AP3M1: variants seen among roughly 807,000 people sequenced by gnomAD.
AP3M1 encodes the protein adaptor related protein complex 3 subunit mu 1.
AP3M1 carries 29 observed loss-of-function variants against 42.6 expected under a neutral mutation model. The ratio of observed to expected loss-of-function variants is 0.68; its 90% CI spans 0.51 to 0.93. AP3M1 has a LOEUF of 0.93. AP3M1 is among the 40% of genes least tolerant of loss of function. The probability of loss-of-function intolerance (pLI) is 0.00; values close to 1 mark genes in which losing one functional copy is unlikely to be tolerated. For synonymous variants in AP3M1, 178 were observed against 175.3 expected (o/e 1.02, Z -0.12); for missense variants, 416 against 510.2 (o/e 0.82, Z 1.78).
chr10:74,131,126 A>C (rs970333264), intron 4 of AP3M1, among the ~76,000 whole-genome samples: 1 of 152,002 alleles, frequency 6.6e-6, no homozygotes, highest in Admixed American at 6.5e-5. Flanking sequence ...ACAAAATAAA[A>C]CAAACCAACC....
intron 1 of AP3M1, among the ~76,000 whole-genome samples, chr10:74,143,839 GCT>G (rs1370743145): frequency 1.3e-5 from 2 of 152,220 alleles, no homozygotes; most frequent in African/African-American, 4.8e-5. Flanking sequence ...GTCCAACAGG[GCT>G]TTCTGCAATG....
chr10:74,130,836 C>T (rs192415794), intron 4 of AP3M1, among the ~76,000 whole-genome samples: 4 of 152,218 alleles, frequency 2.6e-5, no homozygotes, highest in East Asian at 1.9e-4. Context: ...TTTGGCAGGA[C>T]GCAGTGGCTC....
rs78047604 is a variant in AP3M1, at chr10:74,135,074, T to A, written c.446-910A>T. On this transcript the variant is annotated intron_variant, in intron 3 of 8. Coordinates refer to ENST00000355264, the MANE Select transcript of AP3M1 (RefSeq NM_012095.6). Reference sequence around the variant, plus strand: ...TATCTACAATTTTGCAGTCTACTTATGATTGGTGTTCCTACCTGCAACCTA... The same window carrying A: ...TATCTACAATTTTGCAGTCTACTTAAGATTGGTGTTCCTACCTGCAACCTA... Among the ~76,000 whole-genome samples the A allele has an allele frequency of 5.9e-5, 9 of 152,348 alleles. No homozygotes were observed. The East Asian group carries it at 1.7e-3, about 29-fold the overall frequency.
intron 4 of AP3M1, among the ~76,000 whole-genome samples, chr10:74,133,654 TTTTCC>T (rs1238005998): frequency 2.0e-5 from 3 of 151,848 alleles, no homozygotes; most frequent in Non-Finnish European, 4.4e-5. Flanking sequence ...TTCAATTTTC[TTTTCC>T]TTTCTTCTTC....
chr10:74,147,104 G>A (rs1841353706), intron 1 of AP3M1, among the ~76,000 whole-genome samples: 1 of 152,112 alleles, frequency 6.6e-6, no homozygotes, highest in Non-Finnish European at 1.5e-5. Context: ...CCAACATGGT[G>A]AAATCCCATC....
chr10:74,138,596 C>T (rs1298020309), intron 1 of AP3M1, among the ~76,000 whole-genome samples: 1 of 69,334 alleles, frequency 1.4e-5, no homozygotes. Context: ...CATCCTTTTA[C>T]GAAAAAAAAA....
intron 7 of AP3M1, among the ~76,000 whole-genome samples, chr10:74,125,196 C>G (rs1449935684): frequency 6.6e-6 from 1 of 152,214 alleles, no homozygotes. Context: ...TCAGGCTGGT[C>G]TCGAACTCCT....
At chr10:74,124,848 T>C (rs566505375) in intron 7 of AP3M1, among the ~76,000 whole-genome samples, 9 of 152,222 alleles carry the variant, frequency 5.9e-5, no homozygotes, top group Non-Finnish European at 1.2e-4. Context: ...CAGAGGACAT[T>C]AAGGCTCAGA....
intron 1 of AP3M1, among the ~76,000 whole-genome samples, chr10:74,145,199 G>A (rs972100038): frequency 2.0e-5 from 3 of 152,170 alleles, no homozygotes; most frequent in African/African-American, 7.2e-5. Flanking sequence ...TTGAAAGTAA[G>A]TGATTTTGTA....
chr10:74,143,948 A>C (rs866842434), intron 1 of AP3M1, among the ~76,000 whole-genome samples: 34 of 152,156 alleles, frequency 2.2e-4, no homozygotes, highest in Admixed American at 5.2e-4. Context: ...CTGAAGTTTT[A>C]ATTTTTTTGA....
rs1279174158 is a variant in AP3M1 at position 74,136,758 on chromosome 10, C to A, written c.319G>T (p.Val107Phe). ...CSEAAIKDNV[V>F]IVYELLEEML... ...TCTTCTAAGAGTTCATATACTATGA[C>A]CACATTATCCTTAATTGCAGCCTCT... Residue 107 changes from valine (V) to phenylalanine (F), a missense_variant, in exon 3 of 9, where the codon GTC (valine) becomes TTC (phenylalanine). Physicochemically the swap from Val to Phe is conservative, Grantham distance 50. Transcript: ENST00000355264. 4 of 1,559,204 alleles carry A rather than the reference C, an allele frequency of 2.6e-6. No homozygotes were observed. The Admixed American group carries it at 5.1e-5, about 20-fold the overall frequency.
intron 1 of AP3M1, among the ~76,000 whole-genome samples, chr10:74,142,113 G>A (rs978463915): frequency 1.3e-5 from 2 of 152,106 alleles, no homozygotes; most frequent in African/African-American, 4.8e-5. Flanking sequence ...CATACTTTCT[G>A]AGTGTTAGTT....
At chr10:74,136,006 C>T (rs978173473) in intron 3 of AP3M1, among the ~76,000 whole-genome samples, 1 of 152,098 alleles carries the variant, frequency 6.6e-6, no homozygotes, top group African/African-American at 2.4e-5. Context: ...TTAATGCTTT[C>T]GAAAGAATAT....
chr10:74,144,517 C>T (rs1400519440), intron 1 of AP3M1, among the ~76,000 whole-genome samples: 2 of 152,170 alleles, frequency 1.3e-5, no homozygotes, highest in African/African-American at 4.8e-5. Flanking sequence ...GATCTTCCCA[C>T]CTTGATCTCC....
intron 1 of AP3M1, among the ~76,000 whole-genome samples, chr10:74,148,448 C>T (rs1405922427): frequency 6.6e-6 from 1 of 152,154 alleles, no homozygotes; most frequent in Non-Finnish European, 1.5e-5. Flanking sequence ...AGAGAGAAGT[C>T]CTCTTCTCTG....
intron 2 of AP3M1, among the ~76,000 whole-genome samples, chr10:74,137,167 G>A (rs970809698): frequency 6.6e-6 from 1 of 152,196 alleles, no homozygotes; most frequent in African/African-American, 2.4e-5. Flanking sequence ...TTGAACCCGG[G>A]AGGCGGAGGT....
chr10:74,148,998 G>A (rs1431985072), intron 1 of AP3M1, among the ~76,000 whole-genome samples: 10 of 150,222 alleles, frequency 6.7e-5, no homozygotes, highest in Admixed American at 5.3e-4. Flanking sequence ...TCAACCTCCC[G>A]AGTAGCTGGG....
chr10:74,146,219 G>T (rs567337688), intron 1 of AP3M1, among the ~76,000 whole-genome samples: 2 of 152,306 alleles, frequency 1.3e-5, no homozygotes, highest in African/African-American at 4.8e-5. Context: ...GAAGGTGGAG[G>T]GAAGAGGGGA....
chr10:74,120,296 G>T lies in AP3M1; in HGVS notation c.*3514C>A, dbSNP rs1275081032. The T allele has an allele frequency of 1.3e-5, 2 of 152,168 alleles. No individual in the cohort carries two copies. The highest frequency in any genetic ancestry group is 2.9e-5 in the Non-Finnish European group (2 of 68,028). The allele number at this position is 152,168 out of a possible 1,614,324, so 9.4% of individuals were successfully genotyped here. On this transcript the variant is annotated 3_prime_UTR_variant, in exon 9 of 9. Transcript: ENST00000355264. ...TTTTATTTAATCCAAATGTTGCACTGGAAGAAGAAATCAACAGTGGTATAT... is the reference window on the plus strand; with the variant it reads ...TTTTATTTAATCCAAATGTTGCACTTGAAGAAGAAATCAACAGTGGTATAT...
Sources: gnomAD v4.1 joint callset for allele counts (sites outside exome capture counted in the v4.1 genomes callset) on GRCh38, gnomAD v4.1.1 for gene constraint, MANE v1.5 for transcripts, NCBI Gene and HGNC (gene_info 2026-07-23, HGNC 2026-07-21) for gene names.